Variants in CELF4 observed in about 807,000 individuals in gnomAD.
CELF4 encodes the protein CUG-BP- and ETR-3-like factor 4.
A neutral mutation model predicts 59.9 loss-of-function variants in CELF4; 18 were observed. That is an observed-to-expected ratio of 0.30 (90% confidence interval 0.21 to 0.45). The LOEUF (loss-of-function observed/expected upper bound fraction) is 0.45. Ranked by LOEUF, CELF4 falls within the 20% of genes least tolerant of loss-of-function variation. The probability of loss-of-function intolerance (pLI) is 1.00; values close to 1 mark genes in which losing one functional copy is unlikely to be tolerated. For missense variants in CELF4, 456 were observed against 689.0 expected, an observed-to-expected ratio of 0.66 and a Z score of 3.79; for synonymous variants, 261 against 267.1, an observed-to-expected ratio of 0.98 and a Z score of 0.22.
At chr18:37,340,841 C>T (rs1170835117) in intron 2 of CELF4, among the ~76,000 whole-genome samples, 1 of 152,224 alleles carries the variant, frequency 6.6e-6, no homozygotes, top group Non-Finnish European at 1.5e-5. Context: ...ACAGGCAACC[C>T]TGGTTTGAAT....
chr18:37,438,378 T>C (rs1351702672), intron 2 of CELF4, among the ~76,000 whole-genome samples: 2 of 152,172 alleles, frequency 1.3e-5, no homozygotes, highest in African/African-American at 2.4e-5. Context: ...TGAAGGTATG[T>C]AGAAGACTGG....
At chr18:37,490,980 G>A (rs780072271) in intron 1 of CELF4, among the ~76,000 whole-genome samples, 6 of 152,082 alleles carry the variant, frequency 3.9e-5, no homozygotes, top group Non-Finnish European at 7.4e-5. Context: ...GGATAGAAGC[G>A]CAGCCTGTTC....
intron 2 of CELF4, among the ~76,000 whole-genome samples, chr18:37,396,342 G>C (rs1313126428): frequency 6.6e-6 from 1 of 152,212 alleles, no homozygotes; most frequent in African/African-American, 2.4e-5. Context: ...ATGTGTTGCT[G>C]CAAGATGGGA....
intron 1 of CELF4, among the ~76,000 whole-genome samples, chr18:37,544,490 G>T (rs1015906752): frequency 2.5e-4 from 38 of 152,168 alleles, no homozygotes; most frequent in Admixed American, 2.5e-3. Flanking sequence ...GCAGGGGAAT[G>T]ACTTCACAGC....
chr18:37,405,887 C>A (rs1289857549), intron 2 of CELF4, among the ~76,000 whole-genome samples: 1 of 152,106 alleles, frequency 6.6e-6, no homozygotes, highest in South Asian at 2.1e-4. Context: ...CTGGGCTGGC[C>A]CCCCTCCAGC....
intron 2 of CELF4, among the ~76,000 whole-genome samples, chr18:37,482,833 G>A (rs1311404086): frequency 1.3e-5 from 2 of 152,190 alleles, no homozygotes; most frequent in East Asian, 1.9e-4. Context: ...TAGACTGCCT[G>A]TACTATCTTT....
At chr18:37,455,886 C>T (rs535181012) in intron 2 of CELF4, among the ~76,000 whole-genome samples, 9 of 152,290 alleles carry the variant, frequency 5.9e-5, no homozygotes, top group East Asian at 1.9e-4. Context: ...CCTAGAATCT[C>T]GCAACCTCCT....
intron 2 of CELF4, among the ~76,000 whole-genome samples, chr18:37,330,664 A>T (rs1195977837): frequency 6.6e-6 from 1 of 152,188 alleles, no homozygotes; most frequent in Middle Eastern, 3.2e-3. Context: ...AATGCACAGT[A>T]GGTGGTCAGG....
intron 2 of CELF4, among the ~76,000 whole-genome samples, chr18:37,352,013 AGTCT>A (rs1190091087): frequency 2.0e-5 from 3 of 152,208 alleles, no homozygotes; most frequent in Non-Finnish European, 2.9e-5. Context: ...AGCATAGTGA[AGTCT>A]GTCTGAGTAC....
intron 2 of CELF4, among the ~76,000 whole-genome samples, chr18:37,391,485 G>T (rs985986178): frequency 6.6e-6 from 1 of 152,174 alleles, no homozygotes; most frequent in African/African-American, 2.4e-5. Context: ...GTCCCATGTG[G>T]TCGAACAGTC....
chr18:37,459,157 C>T (rs1248680010), intron 2 of CELF4, among the ~76,000 whole-genome samples: 1 of 152,192 alleles, frequency 6.6e-6, no homozygotes, highest in Non-Finnish European at 1.5e-5. Context: ...GGTGAATTTT[C>T]AAGGATGTGG....
At chr18:37,503,296 C>G (rs1194201685) in intron 1 of CELF4, among the ~76,000 whole-genome samples, 4 of 152,228 alleles carry the variant, frequency 2.6e-5, no homozygotes, top group Non-Finnish European at 4.4e-5. Flanking sequence ...CACTTGCAGC[C>G]AGAGAATAGG....
At chr18:37,382,108 A>C (rs1221369016) in intron 2 of CELF4, among the ~76,000 whole-genome samples, 3 of 152,202 alleles carry the variant, frequency 2.0e-5, no homozygotes, top group Non-Finnish European at 2.9e-5. Flanking sequence ...GCAAACATTT[A>C]CTTAGAGCTT....
At chr18:37,347,541 A>T (rs2098308211) in intron 2 of CELF4, among the ~76,000 whole-genome samples, 1 of 152,126 alleles carries the variant, frequency 6.6e-6, no homozygotes, top group African/African-American at 2.4e-5. Context: ...AGTTCGGGGC[A>T]GGTCGTCACC....
intron 2 of CELF4, among the ~76,000 whole-genome samples, chr18:37,458,431 T>C (rs2099784655): frequency 6.6e-6 from 1 of 152,204 alleles, no homozygotes; most frequent in Non-Finnish European, 1.5e-5. Context: ...GAGGGCTCCA[T>C]TATCACCTTT....
At chr18:37,309,094 G>C (rs1246258798) in intron 3 of CELF4, among the ~76,000 whole-genome samples, 1 of 152,172 alleles carries the variant, frequency 6.6e-6, no homozygotes, top group East Asian at 1.9e-4. Context: ...TGGGGTGGGG[G>C]CATGAGAAGC....
chr18:37,369,990 C>T (rs1195697300), intron 2 of CELF4, among the ~76,000 whole-genome samples: 1 of 152,226 alleles, frequency 6.6e-6, no homozygotes, highest in African/African-American at 2.4e-5. Context: ...GCTGAGCTGA[C>T]ACTGCAAAAG....
chr18:37,344,383 A>G (rs1378497647), intron 2 of CELF4, among the ~76,000 whole-genome samples: 1 of 152,274 alleles, frequency 6.6e-6, no homozygotes, highest in Non-Finnish European at 1.5e-5. Flanking sequence ...TTGCCACAGC[A>G]CTGGGGTGCC....
intron 1 of CELF4, among the ~76,000 whole-genome samples, chr18:37,527,515 A>G (rs2099965264): frequency 6.6e-6 from 1 of 152,164 alleles, no homozygotes; most frequent in African/African-American, 2.4e-5. Flanking sequence ...TGATGTTTCC[A>G]CAAAGAACTC....
Sources: allele counts gnomAD v4.1 joint callset (sites outside exome capture counted in the v4.1 genomes callset), GRCh38; gene constraint gnomAD v4.1.1; transcripts MANE v1.5; gene names NCBI Gene and HGNC (gene_info 2026-07-23, HGNC 2026-07-21).